MYO16: variants seen among roughly 807,000 people sequenced by gnomAD.
The protein encoded by MYO16 is myosin XVI.
A neutral mutation model predicts 205.3 loss-of-function variants in MYO16; 94 were observed. The observed-to-expected ratio is 0.46, with a 90% CI of 0.39 to 0.54. The LOEUF (loss-of-function observed/expected upper bound fraction) is 0.54, where lower values mean the gene tolerates loss of function less well. MYO16 is among the 20% of genes least tolerant of loss of function. The pLI, the probability that MYO16 is intolerant of heterozygous loss-of-function variation, is 0.00. For missense variants in MYO16, 2,315 were observed against 2,387.5 expected, an observed-to-expected ratio of 0.97 and a Z score of 0.63; for synonymous variants, 988 against 954.0, an observed-to-expected ratio of 1.04 and a Z score of -0.66.
chr13:108,959,948 C>T (rs1318025057), intron 17 of MYO16, among the ~76,000 whole-genome samples: 1 of 150,490 alleles, frequency 6.6e-6, no homozygotes. Context: ...GGTACCGGAA[C>T]CTTTCATGAA....
chr13:109,207,918 C>G lies in MYO16; in HGVS notation c.*1082C>G, dbSNP rs548710871. ...AAAGTTCTGAGCAGTGGCTCCAGAC[C>G]ACCTTGTCTTGCTACTTGGAACTTT... On this transcript the variant is annotated 3_prime_UTR_variant, in exon 35 of 35. Transcript: ENST00000457511. The G allele has an allele frequency of 2.6e-5, 4 of 152,350 alleles. No individual in the cohort carries two copies. In the East Asian group the frequency reaches 7.7e-4, roughly 29 times the overall value. The allele number at this position is 152,350 out of a possible 1,614,324, so 9.4% of individuals were successfully genotyped here.
chr13:109,018,370 A>G (rs994492919), intron 22 of MYO16, among the ~76,000 whole-genome samples: 1 of 152,294 alleles, frequency 6.6e-6, no homozygotes, highest in East Asian at 1.9e-4. Context: ...TTTGTCTCAG[A>G]GGGGTACCCA....
At chr13:109,081,737 G>A (rs541021180) in intron 27 of MYO16, among the ~76,000 whole-genome samples, 2 of 152,142 alleles carry the variant, frequency 1.3e-5, no homozygotes, top group Non-Finnish European at 2.9e-5. Flanking sequence ...CATTGCAGTG[G>A]CATAAGAACA....
At chr13:108,722,364 A>G (rs889847065) in intron 3 of MYO16, among the ~76,000 whole-genome samples, 2 of 152,244 alleles carry the variant, frequency 1.3e-5, no homozygotes, top group African/African-American at 4.8e-5. Context: ...TAACAATATT[A>G]TAAGAACATT....
intron 2 of MYO16, among the ~76,000 whole-genome samples, chr13:108,676,372 C>CGCGTGTGTGT (rs1555337822): frequency 3.8e-5 from 5 of 131,762 alleles, no homozygotes; most frequent in African/African-American, 8.5e-5. Flanking sequence ...TATATGTACG[C>CGCGTGTGTGT]GTGTGTGTGT....
chr13:108,873,572 G>C (rs998100236), intron 12 of MYO16, among the ~76,000 whole-genome samples: 2 of 152,250 alleles, frequency 1.3e-5, no homozygotes, highest in Non-Finnish European at 2.9e-5. Context: ...GGGCGAGTCA[G>C]CAGGCCGTTC....
intron 16 of MYO16, among the ~76,000 whole-genome samples, chr13:108,953,612 C>T (rs1594421999): frequency 6.8e-6 from 1 of 147,496 alleles, no homozygotes; most frequent in African/African-American, 2.5e-5. Flanking sequence ...TTAAATATGT[C>T]TCCAGATTCT....
chr13:108,567,431 C>T, the MYO16 span, among the ~76,000 whole-genome samples: 4 of 151,876 alleles, frequency 2.6e-5, no homozygotes, highest in African/African-American at 7.3e-5. Flanking sequence ...TAATTATACC[C>T]GAATTGAGAT....
At chr13:108,838,283 T>C (rs1325884529) in intron 9 of MYO16, among the ~76,000 whole-genome samples, 1 of 152,134 alleles carries the variant, frequency 6.6e-6, no homozygotes, top group Non-Finnish European at 1.5e-5. Flanking sequence ...GCAGCGTGTT[T>C]AGAACAGAAG....
chr13:108,713,764 G>C (rs2139552477), intron 3 of MYO16, among the ~76,000 whole-genome samples: 1 of 152,308 alleles, frequency 6.6e-6, no homozygotes, highest in South Asian at 2.1e-4. Context: ...TGTGATAGAA[G>C]ACAGTTTGCC....
intron 4 of MYO16, among the ~76,000 whole-genome samples, chr13:108,733,398 A>G (rs1884586540): frequency 6.6e-6 from 1 of 152,190 alleles, no homozygotes; most frequent in Non-Finnish European, 1.5e-5. Context: ...AGCTGAGGCT[A>G]CTGATTCAAG....
At chr13:108,571,706 T>TA in the MYO16 span, among the ~76,000 whole-genome samples, 2 of 151,702 alleles carry the variant, frequency 1.3e-5, no homozygotes, top group Admixed American at 1.3e-4. Flanking sequence ...TGACCTTGCA[T>TA]ATATGTGTGT....
intron 32 of MYO16, among the ~76,000 whole-genome samples, chr13:109,143,126 G>T (rs1445009041): frequency 6.6e-6 from 1 of 152,050 alleles, no homozygotes; most frequent in Non-Finnish European, 1.5e-5. Flanking sequence ...TTGACCTACA[G>T]TGTAGTAACA....
Position 108,629,640 on chromosome 13 carries a change from G to T in MYO16, c.-205G>T. ...GTGGTGCCTCAAGACCCACCGGGGA[G>T]AGGCTTATCTTAACTCCAGCTGCCG... On this transcript the variant is annotated 5_prime_UTR_variant, in exon 1 of 35. Transcript: ENST00000457511. The T allele has an allele frequency of 1.9e-6, 1 of 520,216 alleles. No individual in the cohort carries two copies. The highest frequency in any genetic ancestry group is 3.5e-6 in the Non-Finnish European group (1 of 288,808). The allele number at this position is 520,216 out of a possible 1,614,324, so 32.2% of individuals were successfully genotyped here. A position where few individuals can be genotyped will look rare whatever the true frequency, so the allele number is the denominator to read the frequency against.
At chr13:108,994,427 A>T (rs1026760036) in intron 21 of MYO16, among the ~76,000 whole-genome samples, 4 of 152,136 alleles carry the variant, frequency 2.6e-5, no homozygotes, top group Admixed American at 2.0e-4. Flanking sequence ...TTCCATTGTG[A>T]TGAGTGCAAA....
At chr13:108,771,265 A>G (rs867037480) in intron 4 of MYO16, among the ~76,000 whole-genome samples, 24 of 152,116 alleles carry the variant, frequency 1.6e-4, no homozygotes, top group African/African-American at 5.8e-4. Flanking sequence ...AGAGAGAAAA[A>G]CTATGTAAGC....
intron 4 of MYO16, among the ~76,000 whole-genome samples, chr13:108,734,714 A>G (rs1884632909): frequency 6.6e-6 from 1 of 152,378 alleles, no homozygotes; most frequent in Admixed American, 6.5e-5. Flanking sequence ...GCTTGGCAGC[A>G]TGGCACCAGG....
intron 6 of MYO16, among the ~76,000 whole-genome samples, chr13:108,800,211 T>G (rs995494056): frequency 1.3e-5 from 2 of 152,170 alleles, no homozygotes; most frequent in African/African-American, 4.8e-5. Context: ...TAAAAGCCCA[T>G]CTCTTGCCGT....
intron 16 of MYO16, among the ~76,000 whole-genome samples, chr13:108,951,379 A>G (rs1883143484): frequency 6.6e-6 from 1 of 152,140 alleles, no homozygotes; most frequent in African/African-American, 2.4e-5. Flanking sequence ...ATCAACCTAG[A>G]GGCCGTGGAG....
Sources: gnomAD v4.1 joint callset for allele counts (sites outside exome capture counted in the v4.1 genomes callset) on GRCh38, gnomAD v4.1.1 for gene constraint, MANE v1.5 for transcripts, NCBI Gene and HGNC (gene_info 2026-07-23, HGNC 2026-07-21) for gene names.